Variants in CEMIP observed in about 807,000 individuals in gnomAD.
CEMIP encodes the protein cell migration-inducing and hyaluronan-binding protein.
A neutral mutation model predicts 156.9 loss-of-function variants in CEMIP; 105 were observed. The observed-to-expected ratio is 0.67, with a 90% CI of 0.57 to 0.79. The LOEUF is 0.79. Among genes scored for constraint, CEMIP ranks in the 30% least tolerant of loss-of-function variants. CEMIP has a pLI of 0.00. For missense variants in CEMIP, 1,457 were observed against 1,769.4 expected, an observed-to-expected ratio of 0.82 and a Z score of 3.17; for synonymous variants, 676 against 668.4, an observed-to-expected ratio of 1.01 and a Z score of -0.17.
intron 1 of CEMIP, among the ~76,000 whole-genome samples, chr15:80,813,318 C>G (rs1281374741): frequency 6.6e-6 from 1 of 150,682 alleles, no homozygotes; most frequent in East Asian, 1.9e-4. Context: ...TCCTCCTCCT[C>G]GTTATCATTT....
intron 1 of CEMIP, among the ~76,000 whole-genome samples, chr15:80,802,765 G>C (rs1896410931): frequency 6.6e-6 from 1 of 152,182 alleles, no homozygotes; most frequent in South Asian, 2.1e-4. Context: ...AGAGGTCCTG[G>C]GTTCAAGATT....
intron 1 of CEMIP, among the ~76,000 whole-genome samples, chr15:80,783,309 A>T (rs1353465041): frequency 6.6e-6 from 1 of 152,256 alleles, no homozygotes; most frequent in African/African-American, 2.4e-5. Context: ...TGTGAGTTGC[A>T]TCCACAAGAT....
At chr15:80,824,580 C>T (rs1277221527) in intron 1 of CEMIP, among the ~76,000 whole-genome samples, 1 of 152,198 alleles carries the variant, frequency 6.6e-6, no homozygotes, top group Non-Finnish European at 1.5e-5. Context: ...AGCCACTACA[C>T]CTCAATTCAA....
chr15:80,920,688 G>C (rs1304820881), intron 15 of CEMIP, among the ~76,000 whole-genome samples: 1 of 152,170 alleles, frequency 6.6e-6, no homozygotes, highest in African/African-American at 2.4e-5. Context: ...AGAGCTCTCT[G>C]TGCAGTCAGC....
intron 1 of CEMIP, among the ~76,000 whole-genome samples, chr15:80,857,326 C>T (rs995097352): frequency 2.6e-5 from 4 of 152,202 alleles, no homozygotes; most frequent in African/African-American, 9.6e-5. Context: ...CTTGTGTGTC[C>T]GAGCCTAAGG....
intron 14 of CEMIP, among the ~76,000 whole-genome samples, chr15:80,914,500 A>T (rs1900189670): frequency 6.6e-6 from 1 of 152,120 alleles, no homozygotes; most frequent in South Asian, 2.1e-4. Flanking sequence ...ATCTATATGG[A>T]CTGCAGCCAG....
intron 1 of CEMIP, among the ~76,000 whole-genome samples, chr15:80,829,800 T>A (rs1251658657): frequency 6.6e-6 from 1 of 152,176 alleles, no homozygotes; most frequent in Non-Finnish European, 1.5e-5. Flanking sequence ...CAAATACCTT[T>A]AAGGAGTATT....
At chr15:80,888,613 T>C in intron 8 of CEMIP, 88 bp from the exon 9 acceptor site, 3 of 975,398 alleles carry the variant, frequency 3.1e-6, no homozygotes, top group Non-Finnish European at 5.0e-6. Flanking sequence ...AATGCCCATG[T>C]GCGTAGGGGG....
intron 1 of CEMIP, among the ~76,000 whole-genome samples, chr15:80,839,073 C>T (rs928936094): frequency 9.9e-5 from 15 of 152,106 alleles, no homozygotes; most frequent in Non-Finnish European, 1.8e-4. Flanking sequence ...ATAGAGGCAG[C>T]GGGACTCAGG....
intron 15 of CEMIP, among the ~76,000 whole-genome samples, chr15:80,920,618 A>G (rs1413401317): frequency 6.6e-6 from 1 of 152,184 alleles, no homozygotes; most frequent in Non-Finnish European, 1.5e-5. Flanking sequence ...CTCGCCTGCC[A>G]CAGAGGCCCC....
chr15:80,875,464 G>T (rs1390688581), intron 3 of CEMIP, among the ~76,000 whole-genome samples: 2 of 152,132 alleles, frequency 1.3e-5, no homozygotes, highest in East Asian at 1.9e-4. Context: ...CTGGGTTTGG[G>T]TTTATCTTTT....
intron 1 of CEMIP, among the ~76,000 whole-genome samples, chr15:80,828,171 G>T (rs1001170536): frequency 6.6e-6 from 1 of 152,162 alleles, no homozygotes; most frequent in Non-Finnish European, 1.5e-5. Flanking sequence ...CTGAGGTCAG[G>T]GGTTCGAGAC....
chr15:80,820,799 C>T (rs929405223), intron 1 of CEMIP, among the ~76,000 whole-genome samples: 3 of 152,112 alleles, frequency 2.0e-5, no homozygotes, highest in African/African-American at 7.2e-5. Context: ...ATACTTAACC[C>T]GCTGGGACGC....
chr15:80,901,193 A>G (rs1899521880), intron 12 of CEMIP, among the ~76,000 whole-genome samples: 2 of 152,020 alleles, frequency 1.3e-5, no homozygotes, highest in Admixed American at 6.5e-5. Flanking sequence ...AATTAACATG[A>G]ATTTCGTTTT....
rs138756348 is a variant in CEMIP at position 80,878,738 on chromosome 15, G to T, written c.112G>T (p.Asp38Tyr). ...ATSTVAAGCPDQSPELQPWNP... is the reference protein window; with the variant it reads ...ATSTVAAGCPYQSPELQPWNP... Reference sequence around the variant, plus strand: ...CTTGGCAGTGGCTGCTGGGTGCCCTGACCAGAGCCCTGAGTTGCAACCCTG... The same window carrying T: ...CTTGGCAGTGGCTGCTGGGTGCCCTTACCAGAGCCCTGAGTTGCAACCCTG... The change falls in exon 4 of 30, where the codon GAC becomes TAC. Residue 38 changes from aspartate (D) to tyrosine (Y), a missense_variant. Coordinates refer to ENST00000394685, the MANE Select transcript of CEMIP (RefSeq NM_001293298.2). 61 of 1,613,978 alleles carry T rather than the reference G, an allele frequency of 3.8e-5. No individual in the cohort carries two copies. Among genetic ancestry groups the T allele is most frequent in the Non-Finnish European group, 4.9e-5 (58 of 1,180,024 alleles).
At chr15:80,850,747 C>T (rs1897698130) in intron 1 of CEMIP, among the ~76,000 whole-genome samples, 1 of 152,180 alleles carries the variant, frequency 6.6e-6, no homozygotes, top group Non-Finnish European at 1.5e-5. Context: ...AGTTTTCTCC[C>T]AGGTCTGTCA....
chr15:80,832,957 T>C (rs182051857), intron 1 of CEMIP, among the ~76,000 whole-genome samples: 6 of 152,246 alleles, frequency 3.9e-5, no homozygotes, highest in East Asian at 3.9e-4. Flanking sequence ...GGCCTTTCCG[T>C]GTGGCTTTCT....
chr15:80,895,201 G>C (rs1899176023), intron 11 of CEMIP, 79 bp downstream of exon 11: 1 of 1,589,604 alleles, frequency 6.3e-7, no homozygotes, highest in Admixed American at 1.7e-5. Context: ...GCAACTTCCA[G>C]ACCTCTCAGT....
chr15:80,889,710 AG>A, intron 10 of CEMIP, 118 bp downstream of exon 10: 3 of 1,318,880 alleles, frequency 2.3e-6, no homozygotes, highest in Non-Finnish European at 3.2e-6. Flanking sequence ...CCTGTGAGGT[AG>A]GTCAGCCAAA....
Sources: gnomAD v4.1 joint callset for allele counts (sites outside exome capture counted in the v4.1 genomes callset) on GRCh38, gnomAD v4.1.1 for gene constraint, MANE v1.5 for transcripts, NCBI Gene and HGNC (gene_info 2026-07-23, HGNC 2026-07-21) for gene names.